CD163L1: variants seen among roughly 807,000 people sequenced by gnomAD.
CD163L1 encodes scavenger receptor cysteine-rich type 1 protein M160.
Under a neutral mutation model 165.4 loss-of-function variants are expected in CD163L1, and 124 were observed. The ratio of observed to expected loss-of-function variants is 0.75; its 90% CI spans 0.65 to 0.87. The LOEUF (loss-of-function observed/expected upper bound fraction) is 0.87, where lower values mean the gene tolerates loss of function less well. CD163L1 is among the 40% of genes least tolerant of loss of function. CD163L1 has a pLI of 0.00. For synonymous variants in CD163L1, 585 were observed against 662.2 expected (o/e 0.88, Z 1.79); for missense variants, 1,525 against 1,799.9 (o/e 0.85, Z 2.76).
chr12:7,433,451 G>C lies in CD163L1; in HGVS notation c.368C>G (p.Ala123Gly), dbSNP rs142541179. The change falls in exon 3 of 20, where the codon GCT (alanine) becomes GGT (glycine). Residue 123 changes from alanine (A) to glycine (G), a missense_variant. Ala to Gly is a moderately conservative substitution (Grantham distance 60, BLOSUM62 0). Transcript: ENST00000313599. ...TTCCCGGTGTTGACATTCCCAGAGA[G>C]CTGACTCATTTCCATAACAGGAAAC... Reference protein sequence around the residue: ...DDVSCYGNESALWECQHREWG... With the variant: ...DDVSCYGNESGLWECQHREWG... The C allele has an allele frequency of 1.0e-3, 1,687 of 1,613,818 alleles. No homozygotes were observed. Among genetic ancestry groups the C allele is most frequent in the Non-Finnish European group, 1.3e-3 (1,592 of 1,179,836 alleles).
chr12:7,350,742 G>T (rs1422893513), downstream of CD163L1, among the ~76,000 whole-genome samples: 1 of 152,102 alleles, frequency 6.6e-6, no homozygotes, highest in African/African-American at 2.4e-5. Context: ...TGTTAGAAAT[G>T]ATGTTTGTTC....
rs1204524117 is a variant in CD163L1, at chr12:7,403,628, T to A, written c.1315A>T (p.Thr439Ser). 6.2e-7 allele frequency: 1 copy of A among 1,614,086 alleles called. No individual in the cohort carries two copies. The change falls in exon 6 of 20, where the codon ACT becomes TCT. Residue 439 changes from threonine to serine, a missense_variant. Physicochemically the swap from Thr to Ser is moderately conservative, Grantham distance 58. Transcript: ENST00000313599. The stretch of plus-strand genomic sequence containing the variant: ...TCCCAGAGAGCTGACTCATTCCCAG[T>A]GCAAGATATGCTGTTTATCCAAATG... ...RDIWINSISCTGNESALWDCT... is the reference protein window; with the variant it reads ...RDIWINSISCSGNESALWDCT...
chr12:7,354,016 T>C (rs911570614), downstream of CD163L1, among the ~76,000 whole-genome samples: 1 of 152,194 alleles, frequency 6.6e-6, no homozygotes, highest in African/African-American at 2.4e-5. Context: ...TTGCTAACTC[T>C]TGAGAAGAAG....
At chr12:7,425,198 A>C (rs1291196240) in intron 4 of CD163L1, among the ~76,000 whole-genome samples, 2 of 152,192 alleles carry the variant, frequency 1.3e-5, no homozygotes, top group Non-Finnish European at 2.9e-5. Context: ...CAACCATCTG[A>C]TCCTTGATAA....
chr12:7,391,043 A>C (rs972713351), intron 8 of CD163L1, among the ~76,000 whole-genome samples: 2 of 152,132 alleles, frequency 1.3e-5, no homozygotes, highest in African/African-American at 2.4e-5. Context: ...TGCATTTCCA[A>C]CTGAGCCTCC....
In CD163L1 at chr12:7,373,569, T is replaced by A; in HGVS notation, c.3481A>T (p.Asn1161Tyr). The change falls in exon 14 of 20, where the codon AAC (asparagine) becomes TAC (tyrosine). Residue 1161 changes from asparagine (N) to tyrosine (Y), a missense_variant. Asn to Tyr is a moderately radical substitution (Grantham distance 143, BLOSUM62 -2). Transcript: ENST00000313599. Reference protein sequence around the residue: ...SCAGRLEVFYNGTWGSVGRRN... With the variant: ...SCAGRLEVFYYGTWGSVGRRN... ...CTGCCGACGCTGCCCCAGGTCCCGTTATAGAAGACTTCCAATCTCCCAGCA... is the reference window on the plus strand; with the variant it reads ...CTGCCGACGCTGCCCCAGGTCCCGTAATAGAAGACTTCCAATCTCCCAGCA... 1 of 1,614,146 alleles carries A rather than the reference T, an allele frequency of 6.2e-7. No individual in the cohort carries two copies. The highest frequency in any genetic ancestry group is 8.5e-7 in the Non-Finnish European group (1 of 1,179,992).
chr12:7,370,318 T>G (rs1157113979), intron 14 of CD163L1, among the ~76,000 whole-genome samples: 1 of 152,196 alleles, frequency 6.6e-6, no homozygotes, highest in Non-Finnish European at 1.5e-5. Context: ...CATTTTAAAC[T>G]TGCTGCCAAA....
the CD163L1 span, among the ~76,000 whole-genome samples, chr12:7,329,528 T>C: frequency 6.6e-6 from 1 of 151,936 alleles, no homozygotes; most frequent in Non-Finnish European, 1.5e-5. Flanking sequence ...GAGAAACATA[T>C]ATTAAAATAC....
chr12:7,426,101 C>G (rs1330307157), intron 4 of CD163L1, among the ~76,000 whole-genome samples: 1 of 152,170 alleles, frequency 6.6e-6, no homozygotes, highest in Non-Finnish European at 1.5e-5. Context: ...CCATGGAATA[C>G]TATGCAGCCA....
downstream of CD163L1, among the ~76,000 whole-genome samples, chr12:7,352,605 G>C (rs768340939): frequency 1.3e-5 from 2 of 152,110 alleles, no homozygotes; most frequent in African/African-American, 4.8e-5. Context: ...AGCTTTACTG[G>C]TTCAGTGTGT....
Position 7,403,728 on chromosome 12 carries a change from C to A in CD163L1, c.1215G>T (p.Val405=). Residue 405 remains valine, a synonymous_variant, in exon 6 of 20, where the codon GTG becomes GTT. Transcript: ENST00000313599. ...ACGGACATCCTAGCTGCTTACAAAC[C>A]ACAAGGGCTTGTTCATTCTTCCAGT... ...DQNWKNEQAL[V]VCKQLGCPFS... The A allele has an allele frequency of 6.2e-7, 1 of 1,614,064 alleles. No homozygotes were observed. Among genetic ancestry groups the A allele is most frequent in the Non-Finnish European group, 8.5e-7 (1 of 1,179,980 alleles).
chr12:7,408,177 G>A (rs559350199), intron 4 of CD163L1, among the ~76,000 whole-genome samples: 1 of 151,530 alleles, frequency 6.6e-6, no homozygotes, highest in Non-Finnish European at 1.5e-5. Context: ...TTTTGTCCCC[G>A]TATCTCTCAG....
intron 4 of CD163L1, among the ~76,000 whole-genome samples, chr12:7,418,254 T>G (rs768743712): frequency 1.8e-4 from 28 of 152,164 alleles, no homozygotes; most frequent in African/African-American, 6.5e-4. Context: ...TGCAAATACA[T>G]GGAAATTACA....
chr12:7,359,832 A>G (rs1283707744), intron 18 of CD163L1, among the ~76,000 whole-genome samples: 3 of 152,154 alleles, frequency 2.0e-5, no homozygotes, highest in Non-Finnish European at 4.4e-5. Context: ...TTAGCACTTT[A>G]AAGACTTTGT....
chr12:7,359,478 C>G (rs779495362), intron 18 of CD163L1, among the ~76,000 whole-genome samples: 3 of 151,916 alleles, frequency 2.0e-5, no homozygotes, highest in Non-Finnish European at 2.9e-5. Context: ...AAAAAAAGAA[C>G]CATCAACTTA....
chr12:7,423,866 C>T (rs747179276), intron 4 of CD163L1, among the ~76,000 whole-genome samples: 1 of 152,038 alleles, frequency 6.6e-6, no homozygotes, highest in Non-Finnish European at 1.5e-5. Flanking sequence ...AAGCCCAGGA[C>T]CAGATGGATT....
At chr12:7,433,050 T>C (rs1447622299) in intron 3 of CD163L1, among the ~76,000 whole-genome samples, 1 of 152,170 alleles carries the variant, frequency 6.6e-6, no homozygotes, top group Non-Finnish European at 1.5e-5. Flanking sequence ...GGCACTTAAA[T>C]CAAAGCTAAC....
chr12:7,329,082 ATATC>A, the CD163L1 span, among the ~76,000 whole-genome samples: 1 of 148,174 alleles, frequency 6.7e-6, no homozygotes, highest in African/African-American at 2.4e-5. Context: ...ATAAATATAT[ATATC>A]TGAATGTATA....
intron 4 of CD163L1, among the ~76,000 whole-genome samples, chr12:7,421,450 T>C (rs185713415): frequency 6.1e-5 from 7 of 114,468 alleles, no homozygotes; most frequent in East Asian, 2.8e-4. Flanking sequence ...CATATACATA[T>C]ATGTACATAT....
Sources: gnomAD v4.1 joint callset for allele counts (sites outside exome capture counted in the v4.1 genomes callset) on GRCh38, gnomAD v4.1.1 for gene constraint, MANE v1.5 for transcripts, NCBI Gene and HGNC (gene_info 2026-07-23, HGNC 2026-07-21) for gene names.